Variants in PDE10A observed in about 807,000 individuals in gnomAD.
The protein encoded by PDE10A is phosphodiesterase 10A, also known as cAMP and cAMP-inhibited cGMP 3',5'-cyclic phosphodiesterase 10A.
A neutral mutation model predicts 97.7 loss-of-function variants in PDE10A; 39 were observed. The observed-to-expected ratio is 0.40, with a 90% CI of 0.31 to 0.52. The LOEUF (loss-of-function observed/expected upper bound fraction) is 0.52. Ranked by LOEUF, PDE10A falls within the 20% of genes least tolerant of loss-of-function variation. PDE10A has a pLI of 0.56. For synonymous variants in PDE10A, 371 were observed against 376.8 expected (o/e 0.98, Z 0.18); for missense variants, 731 against 1,047.8 (o/e 0.70, Z 4.17).
At chr6:165,522,087 T>C (rs1295333836) in intron 2 of PDE10A, among the ~76,000 whole-genome samples, 1 of 152,128 alleles carries the variant, frequency 6.6e-6, no homozygotes, top group East Asian at 1.9e-4. Flanking sequence ...CATGGACACT[T>C]TTGCTGCTTC....
At chr6:165,729,884 TG>T (rs1372533418) in intron 1 of PDE10A, among the ~76,000 whole-genome samples, 1 of 152,214 alleles carries the variant, frequency 6.6e-6, no homozygotes, top group Non-Finnish European at 1.5e-5. Context: ...GAGCAATTTC[TG>T]TTGTTTTTGA....
intron 1 of PDE10A, among the ~76,000 whole-genome samples, chr6:165,854,972 C>CG (rs1385236237): frequency 6.6e-6 from 1 of 150,968 alleles, no homozygotes; most frequent in African/African-American, 2.4e-5. Flanking sequence ...AGTTTAGGCG[C>CG]GGGGGAAGAG....
chr6:165,635,888 A>G (rs990680487), intron 1 of PDE10A, among the ~76,000 whole-genome samples: 1 of 152,272 alleles, frequency 6.6e-6, no homozygotes, highest in Non-Finnish European at 1.5e-5. Context: ...TTCTCTTAAT[A>G]GAAAAATATT....
At chr6:165,520,043 A>T (rs1782040989) in intron 2 of PDE10A, among the ~76,000 whole-genome samples, 1 of 152,164 alleles carries the variant, frequency 6.6e-6, no homozygotes, top group Admixed American at 6.6e-5. Flanking sequence ...CCAGACCTAA[A>T]ACATAGGAGC....
chr6:165,529,294 G>A (rs1031287976), intron 2 of PDE10A, among the ~76,000 whole-genome samples: 2 of 152,176 alleles, frequency 1.3e-5, no homozygotes, highest in Non-Finnish European at 2.9e-5. Flanking sequence ...CAGGAGATCC[G>A]TTAGGGCATC....
chr6:165,523,111 G>T (rs1782228611), intron 2 of PDE10A, among the ~76,000 whole-genome samples: 3 of 151,922 alleles, frequency 2.0e-5, no homozygotes, highest in Non-Finnish European at 2.9e-5. Flanking sequence ...AACACTGAAA[G>T]AAATGATTAC....
intron 10 of PDE10A, among the ~76,000 whole-genome samples, chr6:165,425,009 C>T (rs1051052667): frequency 1.3e-5 from 2 of 152,098 alleles, no homozygotes; most frequent in Non-Finnish European, 2.9e-5. Flanking sequence ...ATATATTCTC[C>T]TGTTGATATC....
chr6:165,834,156 A>G (rs1056548494), intron 1 of PDE10A, among the ~76,000 whole-genome samples: 4 of 152,174 alleles, frequency 2.6e-5, no homozygotes, highest in African/African-American at 9.6e-5. Flanking sequence ...AGCCCTCCCC[A>G]GTTACCCAGG....
intron 1 of PDE10A, among the ~76,000 whole-genome samples, chr6:165,761,992 G>A (rs1663235799): frequency 1.3e-5 from 2 of 152,084 alleles, no homozygotes; most frequent in Admixed American, 1.3e-4. Flanking sequence ...TACTCTCCCT[G>A]TCTTAAAACT....
intron 1 of PDE10A, among the ~76,000 whole-genome samples, chr6:165,772,206 A>C (rs969298095): frequency 8.5e-5 from 13 of 152,242 alleles, no homozygotes; most frequent in African/African-American, 2.9e-4. Context: ...AAGCCTGACA[A>C]GGAAACTACA....
At chr6:165,343,539 T>C in intron 18 of PDE10A, 37 bp from the exon 19 acceptor site, 1 of 1,409,840 alleles carries the variant, frequency 7.1e-7, no homozygotes, top group Non-Finnish European at 1.0e-6. Context: ...CAGCATAGCA[T>C]TTGCACATTT....
intron 13 of PDE10A, among the ~76,000 whole-genome samples, chr6:165,397,529 G>T (rs953973177): frequency 4.6e-5 from 7 of 151,856 alleles, no homozygotes; most frequent in Non-Finnish European, 8.8e-5. Flanking sequence ...GGCCAACATG[G>T]CAAAACCCTG....
intron 1 of PDE10A, among the ~76,000 whole-genome samples, chr6:165,779,448 C>A (rs1324348945): frequency 6.6e-6 from 1 of 152,150 alleles, no homozygotes; most frequent in African/African-American, 2.4e-5. Flanking sequence ...TTCAGCGGCT[C>A]CCTATTAGAT....
intron 13 of PDE10A, among the ~76,000 whole-genome samples, chr6:165,410,041 G>A (rs1310259310): frequency 6.6e-6 from 1 of 151,860 alleles, no homozygotes; most frequent in Non-Finnish European, 1.5e-5. Flanking sequence ...AGGGATACAT[G>A]GACAAATGAA....
intron 2 of PDE10A, among the ~76,000 whole-genome samples, chr6:165,487,009 A>C (rs1448077069): frequency 1.3e-5 from 2 of 152,204 alleles, no homozygotes; most frequent in African/African-American, 4.8e-5. Flanking sequence ...CACCTACCCA[A>C]TACTACCAAC....
intron 1 of PDE10A, among the ~76,000 whole-genome samples, chr6:165,837,744 G>A (rs1013106160): frequency 4.0e-5 from 6 of 148,716 alleles, no homozygotes; most frequent in Non-Finnish European, 5.9e-5. Context: ...GGAGTGCAGC[G>A]GCACAATCTC....
At chr6:165,769,136 C>G (rs936076649) in intron 1 of PDE10A, among the ~76,000 whole-genome samples, 1 of 152,148 alleles carries the variant, frequency 6.6e-6, no homozygotes, top group Non-Finnish European at 1.5e-5. Context: ...ATTAGAATTT[C>G]CTGTGGGGAT....
rs1001796055 is a variant in PDE10A, at chr6:165,661,650, A to G, written c.865+297T>C. Reference sequence around the variant, plus strand: ...GCCAGAAACGGCACGAGGGGCGGAGAAGGAGGCGGCAGGTCCCGCTCGCAA... The same window carrying G: ...GCCAGAAACGGCACGAGGGGCGGAGGAGGAGGCGGCAGGTCCCGCTCGCAA... On this transcript the variant is annotated intron_variant, in intron 1 of 21. Transcript: ENST00000539869. This position sits in a 1 kb window ranked among gnomAD's most constrained non-coding sequence, Gnocchi z 4.8. The G allele has an allele frequency of 2.1e-5, 8 of 387,874 alleles. No individual in the cohort carries two copies. Among genetic ancestry groups the G allele is most frequent in the Admixed American group, 9.7e-5 (2 of 20,582 alleles). 24.0% of individuals were successfully genotyped at this position (387,874 alleles called of 1,614,324 possible).
intron 1 of PDE10A, among the ~76,000 whole-genome samples, chr6:165,847,260 G>A (rs1476106811): frequency 2.0e-5 from 3 of 152,206 alleles, no homozygotes; most frequent in Non-Finnish European, 4.4e-5. Flanking sequence ...GCTTGGCAGA[G>A]CTCTCAACAA....
Sources: gnomAD v4.1 joint callset for allele counts (sites outside exome capture counted in the v4.1 genomes callset) on GRCh38, gnomAD v4.1.1 for gene constraint, Gnocchi (gnomAD v3.1) non-coding constraint, MANE v1.5 for transcripts, NCBI Gene and HGNC (gene_info 2026-07-23, HGNC 2026-07-21) for gene names.